ANKRD50: variants seen among roughly 807,000 people sequenced by gnomAD.
ANKRD50 encodes the protein ankyrin repeat domain-containing protein 50.
In ANKRD50, 40 loss-of-function variants were observed where a neutral mutation model predicts 112.0. The observed-to-expected ratio is 0.36, with a 90% CI of 0.28 to 0.46. ANKRD50 has a LOEUF of 0.46. Ranked by LOEUF, ANKRD50 falls within the 20% of genes least tolerant of loss-of-function variation. The pLI is 1.00. For synonymous variants in ANKRD50, 613 were observed against 619.1 expected, an observed-to-expected ratio of 0.99 and a Z score of 0.15; for missense variants, 1,487 against 1,701.7, an observed-to-expected ratio of 0.87 and a Z score of 2.22.
In ANKRD50 at chr4:124,669,696, G is replaced by A. The variant is rs1730584741; in HGVS notation, c.3581C>T (p.Thr1194Ile). Residue 1194 changes from threonine (T) to isoleucine (I), a missense_variant, in exon 4 of 5, where the codon ACT becomes ATT. Thr to Ile is a moderately conservative substitution (Grantham distance 89, BLOSUM62 -1). Coordinates refer to ENST00000504087, the MANE Select transcript of ANKRD50 (RefSeq NM_020337.3). ...TTGAGCCGTTGCTGTAGATGAAGTA[G>A]TTCTCAAAGATGAATTTTTTGAGCT... ...LKSSKNSSLR[T>I]TSSTATAQTV... 6.2e-7 allele frequency: 1 copy of A among 1,612,966 alleles called. No homozygotes were observed.
chr4:124,687,279 G>GT (rs879507457), intron 2 of ANKRD50, among the ~76,000 whole-genome samples: 17 of 151,580 alleles, frequency 1.1e-4, no homozygotes, highest in South Asian at 8.3e-4. Context: ...TTTTGTTTTT[G>GT]TTTTTTTTCC....
rs146289279 is a variant in ANKRD50 at position 124,702,343 on chromosome 4, G to T, written c.512+7657C>A. ...GGGTGAATAAAAATTGTAGATTAGGGTAAATGAATTCAAGGACTATCCCAA... is the reference window on the plus strand; with the variant it reads ...GGGTGAATAAAAATTGTAGATTAGGTTAAATGAATTCAAGGACTATCCCAA... On this transcript the variant is annotated intron_variant, in intron 2 of 4. Coordinates refer to ENST00000504087, the MANE Select transcript of ANKRD50 (RefSeq NM_020337.3). Among the ~76,000 whole-genome samples the T allele has an allele frequency of 8.4e-3, 1,274 of 152,256 alleles. 12 individuals carry two copies. Among genetic ancestry groups the T allele is most frequent in the Admixed American group, 0.013 (200 of 15,290 alleles).
chr4:124,705,093 C>CA (rs34340105), intron 2 of ANKRD50, among the ~76,000 whole-genome samples: 23 of 143,888 alleles, frequency 1.6e-4, no homozygotes, highest in African/African-American at 5.8e-4. Context: ...GACTCCATCT[C>CA]AAAAAAACAA....
At chr4:124,698,902 T>C (rs1056701071) in intron 2 of ANKRD50, among the ~76,000 whole-genome samples, 8 of 152,178 alleles carry the variant, frequency 5.3e-5, no homozygotes, top group Admixed American at 2.6e-4. Context: ...TGGTTTCCAG[T>C]GTACAGACTG....
At chr4:124,694,101 T>C (rs977078587) in intron 2 of ANKRD50, among the ~76,000 whole-genome samples, 1 of 152,018 alleles carries the variant, frequency 6.6e-6, no homozygotes, top group African/African-American at 2.4e-5. Flanking sequence ...GTAAAGCAAG[T>C]GGAACAGGAA....
intron 2 of ANKRD50, among the ~76,000 whole-genome samples, chr4:124,679,235 G>GTT (rs1724817066): frequency 6.6e-6 from 1 of 152,108 alleles, no homozygotes; most frequent in South Asian, 2.1e-4. Context: ...GATAAAAAGC[G>GTT]TGATTTCCTT....
Position 124,672,266 on chromosome 4 carries a change from C to T in ANKRD50, c.1011G>A (p.Leu337=). Residue 337 remains leucine (L), a synonymous_variant, in exon 4 of 5, where the codon CTG becomes CTA. Transcript: ENST00000504087. The part of the protein sequence containing the change: ...PGTLNGLYLW[L]CQRLFVRKQF... ...GTTTTCTTACAAAAAGTCTTTGGCA[C>T]AGCCAGAGATATAAACCATTTAGAG... 6.2e-7 allele frequency: 1 copy of T among 1,613,788 alleles called. No individual in the cohort carries two copies. Among genetic ancestry groups the T allele is most frequent in the Non-Finnish European group, 8.5e-7 (1 of 1,179,834 alleles).
At chr4:124,690,262 T>C (rs1340311512) in intron 2 of ANKRD50, among the ~76,000 whole-genome samples, 1 of 152,246 alleles carries the variant, frequency 6.6e-6, no homozygotes, top group Non-Finnish European at 1.5e-5. Context: ...CTTTGACTTC[T>C]GCAAGACTAG....
At chr4:124,685,500 T>C (rs1219749945) in intron 2 of ANKRD50, among the ~76,000 whole-genome samples, 1 of 152,230 alleles carries the variant, frequency 6.6e-6, no homozygotes, top group Non-Finnish European at 1.5e-5. Flanking sequence ...CACCAAAGTA[T>C]GTGTACACAA....
intron 2 of ANKRD50, among the ~76,000 whole-genome samples, chr4:124,705,608 A>C (rs1725488010): frequency 6.6e-6 from 1 of 152,206 alleles, no homozygotes; most frequent in African/African-American, 2.4e-5. Context: ...TTCAAAGTCC[A>C]GAAAGGTGTT....
intron 2 of ANKRD50, among the ~76,000 whole-genome samples, chr4:124,701,898 TA>T (rs1303631987): frequency 1.3e-5 from 2 of 151,766 alleles, no homozygotes; most frequent in Non-Finnish European, 2.9e-5. Context: ...AAATTAAAAT[TA>T]AAAAAGGCAA....
At chr4:124,688,345 G>A (rs940361753) in intron 2 of ANKRD50, among the ~76,000 whole-genome samples, 1 of 152,080 alleles carries the variant, frequency 6.6e-6, no homozygotes, top group Non-Finnish European at 1.5e-5. Context: ...TACATCAGTG[G>A]TTGCCATAGG....
intron 2 of ANKRD50, among the ~76,000 whole-genome samples, chr4:124,687,652 T>C (rs572006558): frequency 3.3e-5 from 5 of 152,282 alleles, no homozygotes; most frequent in African/African-American, 1.2e-4. Flanking sequence ...TAAGAATACA[T>C]AAATCACTCT....
At chr4:124,686,707 C>G (rs907013749) in intron 2 of ANKRD50, among the ~76,000 whole-genome samples, 3 of 152,200 alleles carry the variant, frequency 2.0e-5, no homozygotes, top group African/African-American at 7.2e-5. Context: ...TGTCCCCATT[C>G]TCTGCCCTCA....
intron 2 of ANKRD50, among the ~76,000 whole-genome samples, chr4:124,693,487 T>C (rs984316685): frequency 3.9e-5 from 6 of 152,166 alleles, no homozygotes; most frequent in African/African-American, 1.2e-4. Context: ...TCTGGATCTG[T>C]AGTTAATTAC....
intron 2 of ANKRD50, among the ~76,000 whole-genome samples, chr4:124,697,520 A>G (rs1224993689): frequency 2.0e-5 from 3 of 152,162 alleles, no homozygotes; most frequent in Admixed American, 6.5e-5. Context: ...TAAGTTATAA[A>G]GAGTGAGGTT....
At chr4:124,678,937 T>C (rs773933235) in intron 2 of ANKRD50, 32 bp from the exon 3 acceptor site, 1 of 1,446,156 alleles carries the variant, frequency 6.9e-7, no homozygotes, top group African/African-American at 1.4e-5. Flanking sequence ...GCATTTTGAA[T>C]GTTAAGTGGC....
chr4:124,694,180 G>T (rs563214268), intron 2 of ANKRD50, among the ~76,000 whole-genome samples: 88 of 152,210 alleles, frequency 5.8e-4, no homozygotes, highest in African/African-American at 2.1e-3. Context: ...TATTATCTAT[G>T]CATTTACTAG....
rs778395577 is a variant in ANKRD50 at position 124,672,518 on chromosome 4, A to T, written c.759T>A (p.Ser253Arg). The T allele has an allele frequency of 6.3e-7, 1 of 1,588,266 alleles. No homozygotes were observed. Among genetic ancestry groups the T allele is most frequent in the South Asian group, 1.2e-5 (1 of 85,482 alleles). The change falls in exon 4 of 5, where the codon AGT becomes AGA. Residue 253 changes from serine to arginine, a missense_variant. Physicochemically the swap from Ser to Arg is moderately radical, Grantham distance 110 (BLOSUM62 -1). Transcript: ENST00000504087. ...TKMFTGFRKI[S>R]LDDLRKAYIV... ...TATATGCCTTCCGAAGGTCATCTAAACTTATTTTTCGAAAACCTAAAGAAG... is the reference window on the plus strand; with the variant it reads ...TATATGCCTTCCGAAGGTCATCTAATCTTATTTTTCGAAAACCTAAAGAAG...
Sources: gnomAD v4.1 joint callset for allele counts (sites outside exome capture counted in the v4.1 genomes callset) on GRCh38, gnomAD v4.1.1 for gene constraint, MANE v1.5 for transcripts, NCBI Gene and HGNC (gene_info 2026-07-23, HGNC 2026-07-21) for gene names.